The following ATP13A3 variants were observed in gnomAD, a reference collection of about 807,000 sequenced individuals.
ATP13A3 encodes the protein ATPase 13A3, also known as polyamine-transporting ATPase 13A3.
A neutral mutation model predicts 158.1 loss-of-function variants in ATP13A3; 59 were observed. The observed-to-expected ratio is 0.37, with a 90% confidence interval of 0.30 to 0.46. The LOEUF (loss-of-function observed/expected upper bound fraction) is 0.46. Ranked by LOEUF, ATP13A3 falls within the 20% of genes least tolerant of loss-of-function variation. The pLI, the probability that ATP13A3 is intolerant of heterozygous loss-of-function variation, is 1.00. For missense variants in ATP13A3, 1,166 were observed against 1,525.2 expected (o/e 0.76, Z 3.92); for synonymous variants, 491 against 504.3 (o/e 0.97, Z 0.35).
Position 194,433,004 on chromosome 3 carries a change from C to T in ATP13A3, c.2245+768G>A, listed in dbSNP as rs988610060. Among the ~76,000 whole-genome samples the T allele has an allele frequency of 2.0e-5, 3 of 152,136 alleles. No individual in the cohort carries two copies. In the South Asian group the frequency reaches 6.2e-4, roughly 31 times the overall value. On this transcript the variant is annotated intron_variant, in intron 21 of 33. Coordinates refer to ENST00000645319, the MANE Select transcript of ATP13A3 (RefSeq NM_001367549.1). The stretch of plus-strand genomic sequence containing the variant: ...ATATCTTACATATAAACATTTCATG[C>T]TATCGAATATCTATTAATCATTTTC...
chr3:194,464,195 C>T (rs1208781357), intron 2 of ATP13A3, among the ~76,000 whole-genome samples: 18 of 152,126 alleles, frequency 1.2e-4, no homozygotes, highest in Admixed American at 9.8e-4. Flanking sequence ...CAGTTACTTA[C>T]GTCGTTTTAA....
chr3:194,420,030 CAAT>C, intron 30 of ATP13A3, 63 bp from the exon 31 acceptor site: 1 of 1,429,172 alleles, frequency 7.0e-7, no homozygotes. Flanking sequence ...AAAAGGCATC[CAAT>C]AACAGCTGGT....
intron 4 of ATP13A3, 145 bp downstream of exon 4, chr3:194,460,513 C>A: frequency 1.1e-6 from 1 of 889,302 alleles, no homozygotes; most frequent in Non-Finnish European, 1.7e-6. Context: ...AATTCAAACA[C>A]AAATCCTCTA....
intron 2 of ATP13A3, among the ~76,000 whole-genome samples, chr3:194,473,831 A>C (rs1170828114): frequency 6.6e-6 from 1 of 152,252 alleles, no homozygotes; most frequent in Non-Finnish European, 1.5e-5. Context: ...ATTAAGGAGA[A>C]TGAGTTAAAT....
chr3:194,470,175 A>G (rs1341844118), intron 2 of ATP13A3, among the ~76,000 whole-genome samples: 1 of 152,198 alleles, frequency 6.6e-6, no homozygotes, highest in Non-Finnish European at 1.5e-5. Flanking sequence ...ACTTTCTCTT[A>G]TAATATGCTT....
intron 10 of ATP13A3, chr3:194,451,170 TA>T (rs958097163): frequency 5.3e-5 from 8 of 152,246 alleles, no homozygotes; most frequent in Admixed American, 3.3e-4. Flanking sequence ...TTCCTTTTTT[TA>T]AAAAAGGAAG....
intron 33 of ATP13A3, among the ~76,000 whole-genome samples, chr3:194,408,325 G>A (rs976657785): frequency 6.6e-6 from 1 of 152,170 alleles, no homozygotes. Context: ...CTGGCCAAAA[G>A]CTGTCACTTT....
At chr3:194,446,280 A>G (rs1718398374) in intron 14 of ATP13A3, among the ~76,000 whole-genome samples, 1 of 152,142 alleles carries the variant, frequency 6.6e-6, no homozygotes, top group Non-Finnish European at 1.5e-5. Flanking sequence ...CACTATCTAC[A>G]TGGAGTTTGC....
rs1173848630 is a variant in ATP13A3 at position 194,419,906 on chromosome 3, T to A, written c.3375A>T (p.Pro1125=). The change falls in exon 31 of 34, where the codon CCA becomes CCT. Residue 1125 remains proline, a synonymous_variant. Transcript: ENST00000645319. ...GAAGAACCTGGTCAACAGAGGCAAC[T>A]GGATACAACATGATGAATAATATAA... ...YIFILFIMLY[P]VASVDQVLQI... is the part of the protein sequence containing the mutation. 6.4e-7 allele frequency: 1 copy of A among 1,559,884 alleles called. No homozygotes were observed. Among genetic ancestry groups the A allele is most frequent in the Non-Finnish European group, 8.6e-7 (1 of 1,164,054 alleles).
At chr3:194,421,413 C>T (rs1198649436) in intron 30 of ATP13A3, among the ~76,000 whole-genome samples, 1 of 149,502 alleles carries the variant, frequency 6.7e-6, no homozygotes, top group Non-Finnish European at 1.5e-5. Context: ...ATTAGCCAGG[C>T]GTGGTGGCGG....
intron 8 of ATP13A3, 51 bp downstream of exon 8, chr3:194,455,842 G>T: frequency 9.2e-7 from 1 of 1,090,894 alleles, no homozygotes; most frequent in South Asian, 1.5e-5. Flanking sequence ...ATTCCAAATT[G>T]ACACATCCAT....
rs1419272588 is a variant in ATP13A3, at chr3:194,404,884, C to T, written c.*1035G>A. ...TCAAATTCATATTGCTTTGAAAAAA[C>T]GGCAGCCATTCAAATCCAGTATTTT... On this transcript the variant is annotated 3_prime_UTR_variant, in exon 34 of 34. Coordinates refer to ENST00000645319, the MANE Select transcript of ATP13A3 (RefSeq NM_001367549.1). 3 of 152,022 alleles carry T rather than the reference C, an allele frequency of 2.0e-5. No individual in the cohort carries two copies. The highest frequency in any genetic ancestry group is 6.6e-5 in the Admixed American group (1 of 15,266). The allele number at this position is 152,022 out of a possible 1,614,324, so 9.4% of individuals were successfully genotyped here.
rs1329463394 is a variant in ATP13A3 at position 194,448,746 on chromosome 3, T to C, written c.971-110A>G. Reference sequence around the variant, plus strand: ...TTAAATTGTTAAATATTTTAAATGCTACCATACTGTTTACAATAATCACTG... The same window carrying C: ...TTAAATTGTTAAATATTTTAAATGCCACCATACTGTTTACAATAATCACTG... On this transcript the variant is annotated intron_variant, in intron 11 of 33. Transcript: ENST00000645319. This position sits in a 1 kb window ranked among gnomAD's most constrained non-coding sequence, Gnocchi z 4.0. 1.8e-6 allele frequency: 2 copies of C among 1,103,544 alleles called. No homozygotes were observed. Among genetic ancestry groups the C allele is most frequent in the African/African-American group, 3.2e-5 (2 of 62,880 alleles). 68.4% of individuals were successfully genotyped at this position (1,103,544 alleles called of 1,614,324 possible). A position where few individuals can be genotyped will look rare whatever the true frequency, so the allele number is the denominator to read the frequency against.
intron 6 of ATP13A3, among the ~76,000 whole-genome samples, chr3:194,458,404 T>A (rs57732701): frequency 0.06 from 9,070 of 152,184 alleles, 749 homozygotes; most frequent in African/African-American, 0.19. Flanking sequence ...TCTTTGTTTT[T>A]ATGAGACGCA....
At chr3:194,425,956 C>T (rs1716739557) in intron 29 of ATP13A3, among the ~76,000 whole-genome samples, 1 of 152,212 alleles carries the variant, frequency 6.6e-6, no homozygotes, top group Non-Finnish European at 1.5e-5. Context: ...CATGCAAATG[C>T]CTAGCGAGTC....
At chr3:194,423,023 G>C (rs1349299169) in intron 30 of ATP13A3, among the ~76,000 whole-genome samples, 1 of 151,454 alleles carries the variant, frequency 6.6e-6, no homozygotes, top group African/African-American at 2.4e-5. Flanking sequence ...CATAGACAAA[G>C]GGATTAGATA....
At chr3:194,424,960 C>T (rs1037671916) in intron 30 of ATP13A3, among the ~76,000 whole-genome samples, 4 of 152,196 alleles carry the variant, frequency 2.6e-5, no homozygotes, top group African/African-American at 9.6e-5. Flanking sequence ...TCTGTCTCCG[C>T]TTCCATTCCT....
In ATP13A3 at chr3:194,427,060, G is replaced by A. The variant is rs200462830; in HGVS notation, c.3125+15C>T. On this transcript the variant is annotated intron_variant, in intron 29 of 33. Coordinates refer to ENST00000645319, the MANE Select transcript of ATP13A3 (RefSeq NM_001367549.1). ...CATATTTTATATAGATTTTTACATA[G>A]ATTGACCAACTTACTCTGATTTTGG... 1.9e-6 allele frequency: 3 copies of A among 1,602,138 alleles called. No homozygotes were observed. The highest frequency in any genetic ancestry group is 2.6e-6 in the Non-Finnish European group (3 of 1,176,248).
chr3:194,464,250 C>A (rs1018596705), intron 2 of ATP13A3, among the ~76,000 whole-genome samples: 14 of 152,138 alleles, frequency 9.2e-5, no homozygotes, highest in African/African-American at 2.9e-4. Flanking sequence ...TATGTGAATA[C>A]ATAAACATTG....
Sources: allele counts gnomAD v4.1 joint callset (sites outside exome capture counted in the v4.1 genomes callset), GRCh38; gene constraint gnomAD v4.1.1; non-coding constraint Gnocchi (gnomAD v3.1); transcripts MANE v1.5; gene names NCBI Gene and HGNC (gene_info 2026-07-23, HGNC 2026-07-21).